Variants in PROM1 observed in about 807,000 individuals in gnomAD.
PROM1 encodes the protein prominin 1.
A neutral mutation model predicts 116.9 loss-of-function variants in PROM1; 105 were observed. That is an observed-to-expected ratio of 0.90 (90% confidence interval 0.77 to 1.06). PROM1 has a LOEUF of 1.06. PROM1 is among the 50% of genes least tolerant of loss of function. PROM1 has a pLI of 0.00. For synonymous variants in PROM1, 393 were observed against 387.0 expected (o/e 1.02, Z -0.18); for missense variants, 1,122 against 1,045.2 (o/e 1.07, Z -1.01).
intron 2 of PROM1, among the ~76,000 whole-genome samples, chr4:16,046,182 T>C (rs1736509388): frequency 6.6e-6 from 1 of 152,222 alleles, no homozygotes; most frequent in Non-Finnish European, 1.5e-5. Context: ...CTGCCCTTTC[T>C]GGAGGAGAAT....
At position 16,006,650 on chromosome 4, in the gene PROM1, T is replaced by G; in HGVS notation, c.1342A>C (p.Ile448Leu). 9 of 1,612,900 alleles carry G rather than the reference T, an allele frequency of 5.6e-6. No individual in the cohort carries two copies. The highest frequency in any genetic ancestry group is 5.9e-6 in the Non-Finnish European group (7 of 1,179,572). The change falls in exon 13 of 28, where the codon ATC (isoleucine) becomes CTC (leucine). Residue 448 changes from isoleucine (I) to leucine (L), a missense_variant. Transcript: ENST00000447510. ...AAGCCCAGGTAGTAAAAAATCACGA[T>G]GAGGGTCAGCAGAGAGCAGATGACC... ...GLVICSLLTL[I>L]VIFYYLGLLC...
chr4:16,058,041 GACT>G (rs1739445305), intron 2 of PROM1, among the ~76,000 whole-genome samples: 1 of 152,194 alleles, frequency 6.6e-6, no homozygotes, highest in Admixed American at 6.5e-5. Context: ...AGGAAAAAAA[GACT>G]AGAAAGAAGG....
At chr4:16,066,426 C>T (rs1334277333) in intron 2 of PROM1, among the ~76,000 whole-genome samples, 3 of 152,044 alleles carry the variant, frequency 2.0e-5, no homozygotes, top group Non-Finnish European at 2.9e-5. Flanking sequence ...TTATCATTTC[C>T]ACTTTAGAGA....
chr4:16,035,488 C>T (rs980044499), intron 4 of PROM1, among the ~76,000 whole-genome samples: 1 of 152,154 alleles, frequency 6.6e-6, no homozygotes, highest in East Asian at 1.9e-4. Flanking sequence ...ACTTCTAGGC[C>T]GACTAGACGA....
At chr4:16,044,519 G>A (rs550484741) in intron 2 of PROM1, among the ~76,000 whole-genome samples, 4 of 152,300 alleles carry the variant, frequency 2.6e-5, no homozygotes, top group African/African-American at 9.6e-5. Context: ...GCCTTTGGTG[G>A]CCCCATCTTA....
chr4:15,970,262 T>G (rs539322750), intron 27 of PROM1, among the ~76,000 whole-genome samples: 183 of 150,854 alleles, frequency 1.2e-3, no homozygotes, highest in African/African-American at 4.0e-3. Context: ...GCCTCCCAGG[T>G]TGAAGCGATT....
At chr4:16,005,495 GGT>G (rs3221933) in intron 13 of PROM1, among the ~76,000 whole-genome samples, 10,920 of 145,696 alleles carry the variant, frequency 0.075, 423 homozygotes, top group East Asian at 0.15. Context: ...TTGTTTGTTT[GGT>G]GTGTGTGTGT....
chr4:16,068,078 T>C (rs959526194), intron 2 of PROM1, among the ~76,000 whole-genome samples: 1 of 152,018 alleles, frequency 6.6e-6, no homozygotes, highest in Non-Finnish European at 1.5e-5. Context: ...GCAGAGTAGA[T>C]GTACAGAGAA....
chr4:16,040,077 C>G (rs1219465947), intron 2 of PROM1, among the ~76,000 whole-genome samples: 3 of 152,156 alleles, frequency 2.0e-5, no homozygotes, highest in Non-Finnish European at 4.4e-5. Flanking sequence ...AGTGCTATCA[C>G]TATATCCATC....
chr4:16,057,903 C>G (rs1384304582), intron 2 of PROM1, among the ~76,000 whole-genome samples: 1 of 152,206 alleles, frequency 6.6e-6, no homozygotes, highest in Non-Finnish European at 1.5e-5. Flanking sequence ...TCATTCCTTA[C>G]CTGTTTGCTG....
chr4:15,970,252 G>A (rs574238050), intron 27 of PROM1, among the ~76,000 whole-genome samples: 3 of 139,064 alleles, frequency 2.2e-5, no homozygotes, highest in East Asian at 4.3e-4. Context: ...TGCAACCTCT[G>A]CCTCCCAGGT....
intron 9 of PROM1, among the ~76,000 whole-genome samples, chr4:16,017,776 C>T (rs987392199): frequency 2.0e-5 from 3 of 152,062 alleles, no homozygotes; most frequent in Admixed American, 6.5e-5. Context: ...CAGCTGAGAT[C>T]GTGCCACTGC....
At chr4:15,970,577 C>G (rs1040378018) in intron 27 of PROM1, among the ~76,000 whole-genome samples, 5 of 151,340 alleles carry the variant, frequency 3.3e-5, no homozygotes, top group Non-Finnish European at 5.9e-5. Flanking sequence ...TATATAAATA[C>G]ACACACATTT....
intron 20 of PROM1, 88 bp downstream of exon 20, chr4:15,987,575 A>C: frequency 7.4e-7 from 1 of 1,350,952 alleles, no homozygotes; most frequent in Non-Finnish European, 1.0e-6. Flanking sequence ...TTTCAACTTA[A>C]AGTACCTACA....
In PROM1 at chr4:16,018,539, C is replaced by A; in HGVS notation, c.786G>T (p.Ala262=). The change falls in exon 9 of 28, where the codon GCG becomes GCT. Residue 262 remains alanine, a splice_region_variant and synonymous_variant. Transcript: ENST00000447510. ...CCAACGCCTCTTTGGTCTCCTTGAT[C>A]GCTATGGAAACACAGCCCGCTTCAG... is the stretch of plus-strand genomic sequence containing the variant. The part of the protein sequence containing the change: ...VLDEIKSMAT[A]IKETKEALEN... 1 of 1,602,576 alleles carries A rather than the reference C, an allele frequency of 6.2e-7. No homozygotes were observed. The highest frequency in any genetic ancestry group is 8.5e-7 in the Non-Finnish European group (1 of 1,174,920).
chr4:15,990,807 C>G (rs577353530), intron 18 of PROM1, among the ~76,000 whole-genome samples: 1 of 152,368 alleles, frequency 6.6e-6, no homozygotes, highest in East Asian at 1.9e-4. Context: ...GAAGTTACCA[C>G]TCATTTTCTA....
chr4:15,984,786 A>C (rs1338851726), intron 22 of PROM1, among the ~76,000 whole-genome samples: 1 of 152,208 alleles, frequency 6.6e-6, no homozygotes, highest in Admixed American at 6.5e-5. Context: ...CACTGATTCT[A>C]CACTGTGGTG....
At chr4:16,004,832 T>TTCTTTTTTCTTCCTTCCTTCCTTC (rs1203366908) in intron 13 of PROM1, among the ~76,000 whole-genome samples, 62 of 122,600 alleles carry the variant, frequency 5.1e-4, no homozygotes, top group African/African-American at 1.0e-3. Context: ...TCTTTCTTTT[T>TTCTTTTTTCTTCCTTCCTTCCTTC]CTTCCTTCCT....
intron 13 of PROM1, among the ~76,000 whole-genome samples, chr4:16,006,328 T>C (rs533949730): frequency 6.6e-6 from 1 of 152,144 alleles, no homozygotes; most frequent in South Asian, 2.1e-4. Context: ...GTTGTTGTTG[T>C]TGTTTGTTTG....
Sources: gnomAD v4.1 joint callset for allele counts (sites outside exome capture counted in the v4.1 genomes callset) on GRCh38, gnomAD v4.1.1 for gene constraint, MANE v1.5 for transcripts, NCBI Gene and HGNC (gene_info 2026-07-23, HGNC 2026-07-21) for gene names.